Variants in ANKH observed in about 807,000 individuals in gnomAD.
ANKH encodes the protein ANKH inorganic pyrophosphate transport regulator, also known as mineralization regulator ANKH.
ANKH carries 15 observed loss-of-function variants against 49.0 expected under a neutral mutation model. The ratio of observed to expected loss-of-function variants is 0.31; its 90% CI spans 0.20 to 0.47. The LOEUF (loss-of-function observed/expected upper bound fraction) is 0.47. Ranked by LOEUF, ANKH falls within the 20% of genes least tolerant of loss-of-function variation. ANKH has a pLI of 1.00. For synonymous variants in ANKH, 273 were observed against 260.0 expected, an observed-to-expected ratio of 1.05 and a Z score of -0.48; for missense variants, 429 against 652.0, an observed-to-expected ratio of 0.66 and a Z score of 3.72.
intron 1 of ANKH, among the ~76,000 whole-genome samples, chr5:14,838,600 C>T (rs980559671): frequency 9.9e-5 from 15 of 152,188 alleles, no homozygotes; most frequent in African/African-American, 2.9e-4. Flanking sequence ...GGGGACCCCA[C>T]GCCTGCTTGG....
chr5:14,839,555 A>T (rs1024455837), intron 1 of ANKH, among the ~76,000 whole-genome samples: 4 of 150,698 alleles, frequency 2.7e-5, no homozygotes, highest in African/African-American at 9.7e-5. Context: ...CGTCTTCAGT[A>T]TAAGAAAGGG....
intron 1 of ANKH, among the ~76,000 whole-genome samples, chr5:14,819,889 C>A (rs891593611): frequency 6.4e-4 from 80 of 125,570 alleles, no homozygotes; most frequent in Middle Eastern, 3.8e-3. Context: ...ACAACAACAA[C>A]AACAAAAATA....
At chr5:14,803,293 T>A (rs1300444451) in intron 1 of ANKH, among the ~76,000 whole-genome samples, 1 of 152,238 alleles carries the variant, frequency 6.6e-6, no homozygotes, top group Non-Finnish European at 1.5e-5. Context: ...GTTTATTTAT[T>A]TTTTGAGAAA....
rs1168173577 is a variant in ANKH, at chr5:14,713,404, G to C, written c.1265+140C>G. 1 of 1,258,736 alleles carries C rather than the reference G, an allele frequency of 7.9e-7. No individual in the cohort carries two copies. The highest frequency in any genetic ancestry group is 2.5e-5 in the East Asian group (1 of 39,418). 78.0% of individuals were successfully genotyped at this position (1,258,736 alleles called of 1,614,324 possible). On this transcript the variant is annotated intron_variant, in intron 10 of 11. Coordinates refer to ENST00000284268, the MANE Select transcript of ANKH (RefSeq NM_054027.6). This position sits in a 1 kb window ranked among gnomAD's most constrained non-coding sequence, Gnocchi z 4.4. ...CCAAGAGCCTCCACCTGGTGCCTGG[G>C]CAGACACACAAAACATCATTCTGAA...
At chr5:14,816,903 C>T (rs951687575) in intron 1 of ANKH, among the ~76,000 whole-genome samples, 4 of 152,128 alleles carry the variant, frequency 2.6e-5, no homozygotes, top group Non-Finnish European at 5.9e-5. Flanking sequence ...ACTGAGAGCT[C>T]GAGCTTTTAC....
intron 1 of ANKH, among the ~76,000 whole-genome samples, chr5:14,847,120 G>A (rs1741986423): frequency 6.6e-6 from 1 of 152,054 alleles, no homozygotes; most frequent in Admixed American, 6.6e-5. Flanking sequence ...TTGCTCTTAG[G>A]CCAGGAAGGG....
chr5:14,713,052 G>GT lies in ANKH; in HGVS notation c.1266-80dup. 7.2e-7 allele frequency: 1 copy of GT among 1,389,934 alleles called. No homozygotes were observed. The allele number at this position is 1,389,934 out of a possible 1,614,324, so 86.1% of individuals were successfully genotyped here. A position where few individuals can be genotyped will look rare whatever the true frequency, so the allele number is the denominator to read the frequency against. ...ACCGTCGATGCCAAAACCCAGGAAAGTAAGTGTAGCCTCGAGACGGCTGAG... is the reference window on the plus strand; with the variant it reads ...ACCGTCGATGCCAAAACCCAGGAAAGTTAAGTGTAGCCTCGAGACGGCTGAG... On this transcript the variant is annotated intron_variant, in intron 10 of 11. Transcript: ENST00000284268. The surrounding 1 kb of genome is among the most constrained non-coding windows in gnomAD (Gnocchi z 4.4).
intron 1 of ANKH, among the ~76,000 whole-genome samples, chr5:14,813,483 C>CAA (rs371081857): frequency 1.4e-5 from 2 of 143,656 alleles, no homozygotes; most frequent in African/African-American, 5.1e-5. Flanking sequence ...AGAAGAGTCA[C>CAA]AAAAAAAAAA....
At chr5:14,781,489 C>T (rs532498165) in intron 1 of ANKH, among the ~76,000 whole-genome samples, 7 of 152,316 alleles carry the variant, frequency 4.6e-5, no homozygotes, top group African/African-American at 1.2e-4. Context: ...CACGGTACAA[C>T]GATGTTTGGC....
At chr5:14,718,110 C>G (rs1737539523) in intron 8 of ANKH, among the ~76,000 whole-genome samples, 1 of 152,124 alleles carries the variant, frequency 6.6e-6, no homozygotes, top group African/African-American at 2.4e-5. Context: ...ACGTAAAGTT[C>G]CTGAAAATTA....
intron 1 of ANKH, among the ~76,000 whole-genome samples, chr5:14,814,106 A>G (rs1561067606): frequency 6.6e-6 from 1 of 152,210 alleles, no homozygotes; most frequent in Non-Finnish European, 1.5e-5. Context: ...CATCTCACAC[A>G]CCAGAATCAA....
chr5:14,822,763 T>C (rs781758750), intron 1 of ANKH, among the ~76,000 whole-genome samples: 8 of 152,204 alleles, frequency 5.3e-5, no homozygotes, highest in Non-Finnish European at 7.3e-5. Flanking sequence ...AATACCGTAA[T>C]TGGCTGAGCG....
At chr5:14,855,928 G>A (rs1735228872) in intron 1 of ANKH, among the ~76,000 whole-genome samples, 1 of 150,720 alleles carries the variant, frequency 6.6e-6, no homozygotes, top group Non-Finnish European at 1.5e-5. Flanking sequence ...GCTTGCTTCT[G>A]CTTGCCCCTA....
chr5:14,833,044 A>G (rs1022180624), intron 1 of ANKH, among the ~76,000 whole-genome samples: 7 of 152,192 alleles, frequency 4.6e-5, no homozygotes, highest in African/African-American at 1.4e-4. Flanking sequence ...ATGGGCCCCA[A>G]GCTTGGCCCC....
In ANKH at chr5:14,769,107, AC is replaced by A; in HGVS notation, c.180del (p.Lys60AsnfsTer7). On this transcript the variant is annotated frameshift_variant, in exon 2 of 12. Coordinates refer to ENST00000284268, the MANE Select transcript of ANKH (RefSeq NM_054027.6). LOFTEE classifies it high-confidence loss of function. ...AAGTCACTCATGGGACCCGTGAAGA[AC>A]TTCATGAGGGAGTACGCCAGCCCGT... ...ASYGLAYSLM[K>X]FFTGPMSDFK... 6.2e-7 allele frequency: 1 copy of A among 1,614,148 alleles called. No homozygotes were observed. Among genetic ancestry groups the A allele is most frequent in the Non-Finnish European group, 8.5e-7 (1 of 1,180,030 alleles).
intron 1 of ANKH, among the ~76,000 whole-genome samples, chr5:14,819,739 G>A (rs918713745): frequency 7.9e-5 from 12 of 152,082 alleles, no homozygotes; most frequent in Non-Finnish European, 1.2e-4. Flanking sequence ...GGTAGTGTGC[G>A]TCTATAGTCC....
At chr5:14,721,540 C>T (rs549750786) in intron 8 of ANKH, among the ~76,000 whole-genome samples, 14 of 152,308 alleles carry the variant, frequency 9.2e-5, no homozygotes, top group Non-Finnish European at 1.5e-4. Flanking sequence ...AGGAAAATGG[C>T]GCTTCACTTT....
chr5:14,712,428 C>T (rs1737256026), intron 11 of ANKH, among the ~76,000 whole-genome samples: 1 of 152,274 alleles, frequency 6.6e-6, no homozygotes, highest in South Asian at 2.1e-4. Context: ...AGCTCTCGGA[C>T]TGCATCTCTG....
chr5:14,798,016 T>C (rs2126556296), intron 1 of ANKH: 1 of 1,573,150 alleles, frequency 6.4e-7, no homozygotes, highest in Non-Finnish European at 8.8e-7. Context: ...TAACGGGCCC[T>C]GTTTACTTTT....
Sources: allele counts gnomAD v4.1 joint callset (sites outside exome capture counted in the v4.1 genomes callset), GRCh38; gene constraint gnomAD v4.1.1; non-coding constraint Gnocchi (gnomAD v3.1); transcripts MANE v1.5; gene names NCBI Gene and HGNC (gene_info 2026-07-23, HGNC 2026-07-21).